MARS1: variants seen among roughly 807,000 people sequenced by gnomAD.
MARS1 encodes methionine--tRNA ligase, cytoplasmic.
A neutral mutation model predicts 119.5 loss-of-function variants in MARS1; 80 were observed. The observed-to-expected ratio is 0.67, with a 90% CI of 0.56 to 0.81. The LOEUF (loss-of-function observed/expected upper bound fraction) is 0.81. MARS1 is among the 30% of genes least tolerant of loss of function. The pLI, the probability that MARS1 is intolerant of heterozygous loss-of-function variation, is 0.00. For missense variants in MARS1, 945 were observed against 1,116.5 expected (o/e 0.85, Z 2.19); for synonymous variants, 418 against 433.4 (o/e 0.96, Z 0.44).
chr12:57,500,244 C>G, intron 9 of MARS1, 77 bp from the exon 10 acceptor site: 1 of 1,225,436 alleles, frequency 8.2e-7, no homozygotes, highest in Non-Finnish European at 1.2e-6. Context: ...GTTTGGGTCC[C>G]TGGTTGGAGT....
intron 11 of MARS1, among the ~76,000 whole-genome samples, chr12:57,511,282 T>C (rs1053063686): frequency 6.6e-6 from 1 of 152,034 alleles, no homozygotes; most frequent in Non-Finnish European, 1.5e-5. Context: ...CCCCTGGCTG[T>C]GTGTTAAAAA....
chr12:57,493,662 T>C (rs868527320), intron 7 of MARS1, among the ~76,000 whole-genome samples: 1 of 3,654 alleles, frequency 2.7e-4, no homozygotes, highest in African/African-American at 2.7e-3. Context: ...CAATATATAT[T>C]ATATATTATA....
intron 7 of MARS1, among the ~76,000 whole-genome samples, chr12:57,491,561 C>T (rs1270094196): frequency 6.6e-6 from 1 of 152,136 alleles, no homozygotes; most frequent in East Asian, 1.9e-4. Flanking sequence ...CAGATACTAA[C>T]AGACCTTGTC....
In MARS1 at chr12:57,488,205, C is replaced by T. The variant is rs1565635767; in HGVS notation, c.109+6C>T. 2.5e-6 allele frequency: 4 copies of T among 1,606,110 alleles called. No homozygotes were observed. The South Asian group carries it at 3.3e-5, about 13-fold the overall frequency. On this transcript the variant is annotated splice_donor_region_variant and intron_variant, in intron 1 of 20. Transcript: ENST00000262027. The stretch of plus-strand genomic sequence containing the variant: ...CAGCACTGTAGGCCCGGAAGGTACT[C>T]GTGCTGGTGCTGGTGGGCGGTGGAT...
At position 57,489,259 on chromosome 12, in the gene MARS1, C is replaced by G; in HGVS notation, c.201-8C>G. Reference sequence around the variant, plus strand: ...AAGTCCATCATCTGTTGCTCTCTCTCTGGGCAGATATTTTTTTTTGTTATC... The same window carrying G: ...AAGTCCATCATCTGTTGCTCTCTCTGTGGGCAGATATTTTTTTTTGTTATC... On this transcript the variant is annotated splice_polypyrimidine_tract_variant and splice_region_variant and intron_variant, in intron 2 of 20. Transcript: ENST00000262027. 1 of 1,613,636 alleles carries G rather than the reference C, an allele frequency of 6.2e-7. No homozygotes were observed. Among genetic ancestry groups the G allele is most frequent in the Non-Finnish European group, 8.5e-7 (1 of 1,179,958 alleles).
chr12:57,489,991 C>G lies in MARS1; in HGVS notation c.490+20C>G. On this transcript the variant is annotated intron_variant, in intron 5 of 20. Transcript: ENST00000262027. ...TCCCTGGTGAGAACTGTGCATATCA[C>G]TCCAACCCTAGGAGCTTGGTGTAGG... The G allele has an allele frequency of 6.2e-7, 1 of 1,609,822 alleles. No homozygotes were observed. Among genetic ancestry groups the G allele is most frequent in the Non-Finnish European group, 8.5e-7 (1 of 1,176,074 alleles).
At chr12:57,513,323 A>AG (rs1877614558) in intron 15 of MARS1, among the ~76,000 whole-genome samples, 1 of 152,148 alleles carries the variant, frequency 6.6e-6, no homozygotes, top group African/African-American at 2.4e-5. Context: ...GTGTGGGGGT[A>AG]GGAGGCTTCT....
chr12:57,488,858 C>T (rs1875685448), intron 1 of MARS1, 161 bp from the exon 2 acceptor site: 2 of 762,138 alleles, frequency 2.6e-6, no homozygotes, highest in Non-Finnish European at 4.3e-6. Context: ...CAGCCCATTC[C>T]GGACCACCCC....
chr12:57,506,050 G>GT (rs1318233526), intron 11 of MARS1, among the ~76,000 whole-genome samples: 1 of 151,578 alleles, frequency 6.6e-6, no homozygotes, highest in Admixed American at 6.6e-5. Flanking sequence ...TTGAGCCTAG[G>GT]ACTTTGAGAC....
chr12:57,498,370 A>C (rs767361282), intron 8 of MARS1, 50 bp from the exon 9 acceptor site: 1 of 1,599,300 alleles, frequency 6.3e-7, no homozygotes, highest in Non-Finnish European at 8.6e-7. Flanking sequence ...TCCCAAGGAC[A>C]AGGAAGCGCT....
Position 57,515,159 on chromosome 12 carries a change from AG to A in MARS1, c.2216del (p.Gly739GlufsTer3). On this transcript the variant is annotated frameshift_variant, in exon 18 of 21. Coordinates refer to ENST00000262027, the MANE Select transcript of MARS1 (RefSeq NM_004990.4). LOFTEE classifies it high-confidence loss of function. ...KGSEADRQRA[G>X]TVTGLAVNIA... ...GTCTCCTCTTCCTCAGGCAACGGGC[AG>A]GAACAGTGACTGGCTTGGCAGTGAA... 6.2e-7 allele frequency: 1 copy of A among 1,614,230 alleles called. No homozygotes were observed. The highest frequency in any genetic ancestry group is 1.3e-5 in the African/African-American group (1 of 75,068).
chr12:57,503,071 C>T lies in MARS1; in HGVS notation c.1294-1154C>T, dbSNP rs536383819. 1.2e-3 allele frequency among the ~76,000 whole-genome samples: 184 copies of T among 152,166 alleles called. 1 individual carries two copies. Among genetic ancestry groups the T allele is most frequent in the Non-Finnish European group, 1.9e-3 (131 of 68,006 alleles). Reference sequence around the variant, plus strand: ...CAACAACAAAACTCTACTACAAAGCCCTCTCTGAAAGATGGAAAAAAGAGC... The same window carrying T: ...CAACAACAAAACTCTACTACAAAGCTCTCTCTGAAAGATGGAAAAAAGAGC... On this transcript the variant is annotated intron_variant, in intron 10 of 20. Transcript: ENST00000262027.
chr12:57,496,311 G>A (rs944140973), intron 7 of MARS1, among the ~76,000 whole-genome samples: 3 of 151,130 alleles, frequency 2.0e-5, no homozygotes, highest in South Asian at 2.1e-4. Flanking sequence ...TTACAAGCAC[G>A]CACCACCAGG....
At chr12:57,510,599 T>C (rs1877462331) in intron 11 of MARS1, among the ~76,000 whole-genome samples, 1 of 150,294 alleles carries the variant, frequency 6.7e-6, no homozygotes, top group African/African-American at 2.5e-5. Context: ...AGTGACACCC[T>C]ACCTTAAAAA....
intron 11 of MARS1, among the ~76,000 whole-genome samples, chr12:57,509,552 AC>A (rs1877408450): frequency 6.6e-6 from 1 of 151,650 alleles, no homozygotes; most frequent in South Asian, 2.2e-4. Flanking sequence ...GATTACAGGC[AC>A]CTGCCACCAC....
In MARS1 at chr12:57,512,768, G is replaced by A. The variant is rs1877583746; in HGVS notation, c.1771G>A (p.Asp591Asn). 1 of 1,614,110 alleles carries A rather than the reference G, an allele frequency of 6.2e-7. No homozygotes were observed. The highest frequency in any genetic ancestry group is 2.2e-5 in the East Asian group (1 of 44,890). Residue 591 changes from aspartate (D) to asparagine (N), a missense_variant, in exon 15 of 21, where the codon GAT (aspartate) becomes AAT (asparagine). Physicochemically the swap from Asp to Asn is conservative, Grantham distance 23. Transcript: ENST00000262027. ...LIATEYLNYE[D>N]GKFSKSRGVG... ...CTGTCCAGAGTACCTGAACTATGAG[G>A]ATGGGAAATTCTCTAAGAGCCGCGG...
At chr12:57,512,598 TC>T in intron 14 of MARS1, 152 bp from the exon 15 acceptor site, 1 of 675,354 alleles carries the variant, frequency 1.5e-6, no homozygotes, top group Non-Finnish European at 2.5e-6. Flanking sequence ...AGGAAGGGAC[TC>T]CCAAAATCTG....
At chr12:57,509,283 C>T (rs1356238807) in intron 11 of MARS1, among the ~76,000 whole-genome samples, 3 of 152,094 alleles carry the variant, frequency 2.0e-5, no homozygotes, top group African/African-American at 7.2e-5. Flanking sequence ...ATGTCACCAA[C>T]CTTGAGTTTA....
intron 7 of MARS1, among the ~76,000 whole-genome samples, chr12:57,496,256 T>C (rs943861477): frequency 1.3e-5 from 2 of 151,284 alleles, no homozygotes; most frequent in African/African-American, 4.9e-5. Flanking sequence ...CTCTGCCTCC[T>C]GGGTTCAAGT....
Sources: gnomAD v4.1 joint callset for allele counts (sites outside exome capture counted in the v4.1 genomes callset) on GRCh38, gnomAD v4.1.1 for gene constraint, MANE v1.5 for transcripts, NCBI Gene and HGNC (gene_info 2026-07-23, HGNC 2026-07-21) for gene names.